GRIN2B: variants seen among roughly 807,000 people sequenced by gnomAD.
GRIN2B encodes glutamate receptor ionotropic, NMDA 2B.
In GRIN2B, 5 loss-of-function variants were observed where a neutral mutation model predicts 114.5. That is an observed-to-expected ratio of 0.04 (90% confidence interval 0.02 to 0.09). GRIN2B has a LOEUF of 0.09. Among genes scored for constraint, GRIN2B ranks in the 10% least tolerant of loss-of-function variants. The pLI is 1.00. For synonymous variants in GRIN2B, 787 were observed against 745.1 expected, an observed-to-expected ratio of 1.06 and a Z score of -0.92; for missense variants, 1,108 against 1,943.5, an observed-to-expected ratio of 0.57 and a Z score of 8.08.
chr12:13,597,345 C>T (rs772723359), intron 10 of GRIN2B, among the ~76,000 whole-genome samples: 4 of 152,172 alleles, frequency 2.6e-5, no homozygotes, highest in Non-Finnish European at 5.9e-5. Context: ...AGCCAATTAA[C>T]GCAAACTTCC....
At chr12:13,973,183 T>A (rs1022802856) in intron 2 of GRIN2B, among the ~76,000 whole-genome samples, 4 of 152,246 alleles carry the variant, frequency 2.6e-5, no homozygotes, top group African/African-American at 9.6e-5. Context: ...GCCATTGTTT[T>A]TAAGTCCCCC....
chr12:13,876,971 T>C (rs192732759), intron 2 of GRIN2B, among the ~76,000 whole-genome samples: 1 of 152,330 alleles, frequency 6.6e-6, no homozygotes, highest in African/African-American at 2.4e-5. Context: ...TCTAGGTCTT[T>C]CATTTCTCAA....
chr12:13,886,382 G>C (rs1201488284), intron 2 of GRIN2B, among the ~76,000 whole-genome samples: 2 of 152,186 alleles, frequency 1.3e-5, no homozygotes, highest in Admixed American at 1.3e-4. Context: ...CTAGGGCTGG[G>C]TGCTTGACCA....
chr12:13,977,366 A>G (rs1292927806), intron 2 of GRIN2B: 1 of 152,232 alleles, frequency 6.6e-6, no homozygotes, highest in Admixed American at 6.5e-5. Context: ...AAACTGCCAC[A>G]TCACTCTGTG....
Position 13,563,830 on chromosome 12 carries a change from C to G in GRIN2B, c.3408G>C (p.Gln1136His), listed in dbSNP as rs746865690. 1.2e-6 allele frequency: 2 copies of G among 1,614,034 alleles called. No individual in the cohort carries two copies. The highest frequency in any genetic ancestry group is 2.2e-5 in the East Asian group (1 of 44,880). Residue 1136 changes from glutamine (Q) to histidine (H), a missense_variant, in exon 14 of 14, where the codon CAG becomes CAC. Gln to His is a conservative substitution (Grantham distance 24). This residue lies in a region of GRIN2B where 478 missense variants were observed against 506.0 expected (regional missense o/e 0.94). Transcript: ENST00000609686. ...KEGLRDFYLD[Q>H]FRTKENSPHW... ...GGGGTGAGTTCTCCTTTGTTCGGAA[C>G]TGGTCCAGGTAGAAGTCCCGTAGCC...
chr12:13,950,180 T>G (rs966003087), intron 2 of GRIN2B, among the ~76,000 whole-genome samples: 3 of 152,194 alleles, frequency 2.0e-5, no homozygotes, highest in Non-Finnish European at 4.4e-5. Flanking sequence ...GAATAGCCAG[T>G]CAAAATAGGG....
chr12:13,788,729 C>T (rs1386026497), intron 3 of GRIN2B, among the ~76,000 whole-genome samples: 1 of 48,816 alleles, frequency 2.0e-5, no homozygotes, highest in Non-Finnish European at 4.2e-5. Flanking sequence ...CTGCTTGCAG[C>T]CAAAATGATT....
At chr12:13,949,122 C>G (rs990399335) in intron 2 of GRIN2B, among the ~76,000 whole-genome samples, 5 of 152,110 alleles carry the variant, frequency 3.3e-5, no homozygotes, top group Non-Finnish European at 7.4e-5. Flanking sequence ...TGCTTCAACC[C>G]TAAGAGTGCC....
At chr12:13,974,060 T>C (rs1019857494) in intron 2 of GRIN2B, among the ~76,000 whole-genome samples, 3 of 152,162 alleles carry the variant, frequency 2.0e-5, no homozygotes, top group Non-Finnish European at 4.4e-5. Context: ...TCCCTCTTCA[T>C]CCATCACTCC....
rs1168643689 is a variant in GRIN2B, at chr12:13,545,369, A to G, written c.*17414T>C. On this transcript the variant is annotated 3_prime_UTR_variant, in exon 14 of 14. Coordinates refer to ENST00000609686, the MANE Select transcript of GRIN2B (RefSeq NM_000834.5). ...TGTCCATTTCCTCTCATCAACATAC[A>G]AACTTCAAGAGGGTATGGACTTTGT... 6.6e-6 allele frequency: 1 copy of G among 152,160 alleles called. No homozygotes were observed. Among genetic ancestry groups the G allele is most frequent in the Non-Finnish European group, 1.5e-5 (1 of 68,042 alleles). The allele number at this position is 152,160 out of a possible 1,614,324, so 9.4% of individuals were successfully genotyped here.
At chr12:13,953,892 A>G (rs1050399983) in intron 2 of GRIN2B, among the ~76,000 whole-genome samples, 2 of 152,220 alleles carry the variant, frequency 1.3e-5, no homozygotes, top group African/African-American at 2.4e-5. Context: ...CTTTTGAATT[A>G]CCTAGTATGG....
chr12:13,541,511 C>T lies in GRIN2B; in HGVS notation c.*21272G>A, dbSNP rs1029569427. ...TCATGACAAAACCATCCCTGGCTTC[C>T]TTTGCTTCCCTCTTCCTTCCTAAAT... is the stretch of plus-strand genomic sequence containing the variant. On this transcript the variant is annotated 3_prime_UTR_variant, in exon 14 of 14. Transcript: ENST00000609686. 4.6e-5 allele frequency: 7 copies of T among 152,244 alleles called. No homozygotes were observed. Among genetic ancestry groups the T allele is most frequent in the South Asian group, 2.1e-4 (1 of 4,830 alleles). The allele number at this position is 152,244 out of a possible 1,614,324, so 9.4% of individuals were successfully genotyped here.
intron 2 of GRIN2B, among the ~76,000 whole-genome samples, chr12:13,880,994 TTGTGTG>T (rs144197797): frequency 7.4e-5 from 11 of 148,792 alleles, no homozygotes; most frequent in Non-Finnish European, 1.4e-4. Context: ...GGGTATAAGG[TTGTGTG>T]TGTGTGTGTG....
chr12:13,824,855 C>CA (rs34417194), intron 3 of GRIN2B, among the ~76,000 whole-genome samples: 6,298 of 95,064 alleles, frequency 0.066, 253 homozygotes, highest in Non-Finnish European at 0.079. Flanking sequence ...GACTCCATTT[C>CA]AAAAAAAAAA....
intron 2 of GRIN2B, among the ~76,000 whole-genome samples, chr12:13,913,661 T>C (rs1039836242): frequency 5.9e-5 from 9 of 152,154 alleles, no homozygotes; most frequent in African/African-American, 2.2e-4. Flanking sequence ...GTAGTGTGAA[T>C]ATGAAACACT....
In GRIN2B at chr12:13,562,627, C is replaced by T. The variant is rs1039418428; in HGVS notation, c.*156G>A. On this transcript the variant is annotated 3_prime_UTR_variant, in exon 14 of 14. Transcript: ENST00000609686. The stretch of plus-strand genomic sequence containing the variant: ...TGGTGCTGGTCACCAGGGTTGCCCC[C>T]AGTAGGAACCAGAACTCCAGGATCC... 2.7e-5 allele frequency: 19 copies of T among 698,060 alleles called. No homozygotes were observed. The highest frequency in any genetic ancestry group is 6.7e-5 in the Admixed American group (3 of 44,856). 43.2% of individuals were successfully genotyped at this position (698,060 alleles called of 1,614,324 possible).
At chr12:13,806,854 G>GTTTAAA (rs1864609102) in intron 3 of GRIN2B, among the ~76,000 whole-genome samples, 1 of 151,812 alleles carries the variant, frequency 6.6e-6, no homozygotes, top group Non-Finnish European at 1.5e-5. Flanking sequence ...TACAGTTTCT[G>GTTTAAA]GTCTTATGTT....
chr12:13,567,650 T>G (rs1393771904), intron 12 of GRIN2B, among the ~76,000 whole-genome samples: 1 of 152,090 alleles, frequency 6.6e-6, no homozygotes, highest in Non-Finnish European at 1.5e-5. Context: ...CCAGTGGGTT[T>G]TCGTGAAGTA....
chr12:13,591,139 C>A (rs1175825263), intron 10 of GRIN2B, among the ~76,000 whole-genome samples: 2 of 152,210 alleles, frequency 1.3e-5, no homozygotes, highest in African/African-American at 4.8e-5. Flanking sequence ...TCTTTTTTAG[C>A]CCTGACGTTT....
Sources: allele counts gnomAD v4.1 joint callset (sites outside exome capture counted in the v4.1 genomes callset), GRCh38; gene constraint gnomAD v4.1.1; regional missense constraint gnomAD v4.1.1; transcripts MANE v1.5; gene names NCBI Gene and HGNC (gene_info 2026-07-23, HGNC 2026-07-21).